Variants in KDM4C observed in about 807,000 individuals in gnomAD.
KDM4C encodes the protein lysine-specific demethylase 4C.
KDM4C carries 81 observed loss-of-function variants against 129.3 expected under a neutral mutation model. The observed-to-expected ratio is 0.63, with a 90% CI of 0.52 to 0.75. KDM4C has a LOEUF of 0.75. Ranked by LOEUF, KDM4C falls within the 30% of genes least tolerant of loss-of-function variation. The pLI is 0.00. For synonymous variants in KDM4C, 573 were observed against 456.1 expected, an observed-to-expected ratio of 1.26 and a Z score of -3.26; for missense variants, 1,457 against 1,304.0, an observed-to-expected ratio of 1.12 and a Z score of -1.81.
Position 7,160,141 on chromosome 9 carries a change from G to T in KDM4C, c.2782-5097G>T, listed in dbSNP as rs947380582. 2.0e-5 allele frequency among the ~76,000 whole-genome samples: 3 copies of T among 152,150 alleles called. No homozygotes were observed. The South Asian group carries it at 6.2e-4, about 32-fold the overall frequency. On this transcript the variant is annotated intron_variant, in intron 19 of 21. Coordinates refer to ENST00000381309, the MANE Select transcript of KDM4C (RefSeq NM_015061.6). The stretch of plus-strand genomic sequence containing the variant: ...TCGAGTTGGCTGTTGAAGCTTGTGC[G>T]TGCGTCACAAAGTTCTCGTGCCATG...
At chr9:6,877,643 G>A (rs926517935) in intron 5 of KDM4C, among the ~76,000 whole-genome samples, 3 of 152,194 alleles carry the variant, frequency 2.0e-5, no homozygotes, top group Non-Finnish European at 4.4e-5. Context: ...AGATTTTGGG[G>A]TTGTCAAGAT....
chr9:6,854,015 A>G (rs1839311876), intron 5 of KDM4C, among the ~76,000 whole-genome samples: 1 of 152,194 alleles, frequency 6.6e-6, no homozygotes, highest in African/African-American at 2.4e-5. Flanking sequence ...CTATTATTTT[A>G]ATAACCATGA....
chr9:7,068,845 C>G (rs539924068), intron 17 of KDM4C, among the ~76,000 whole-genome samples: 1 of 151,744 alleles, frequency 6.6e-6, no homozygotes, highest in Non-Finnish European at 1.5e-5. Context: ...TACAGGTGTG[C>G]ACCACCACGC....
chr9:6,835,187 A>T, intron 4 of KDM4C: 1 of 933,964 alleles, frequency 1.1e-6, no homozygotes. Context: ...ACTGACGGCC[A>T]GGTCATCACC....
At chr9:7,079,920 C>T (rs1834341528) in intron 17 of KDM4C, among the ~76,000 whole-genome samples, 1 of 152,200 alleles carries the variant, frequency 6.6e-6, no homozygotes, top group South Asian at 2.1e-4. Context: ...TCCTTTCCCA[C>T]AACTTCTTTT....
chr9:6,779,616 G>C (rs556777283), intron 1 of KDM4C, among the ~76,000 whole-genome samples: 57 of 152,324 alleles, frequency 3.7e-4, no homozygotes, highest in African/African-American at 1.3e-3. Flanking sequence ...TGCTGCAGCA[G>C]TGTTCTGGGA....
intron 8 of KDM4C, among the ~76,000 whole-genome samples, chr9:6,952,736 C>T (rs147128559): frequency 5.3e-5 from 8 of 152,162 alleles, no homozygotes; most frequent in African/African-American, 1.4e-4. Context: ...CCACTGTGCC[C>T]GGCCCCAGAG....
At chr9:6,812,798 T>C (rs571276062) in intron 3 of KDM4C, among the ~76,000 whole-genome samples, 2 of 152,212 alleles carry the variant, frequency 1.3e-5, no homozygotes, top group African/African-American at 2.4e-5. Context: ...GTGCCTGGAA[T>C]TCCCGATACT....
intron 17 of KDM4C, among the ~76,000 whole-genome samples, chr9:7,067,986 C>T (rs559703886): frequency 2.2e-4 from 34 of 152,192 alleles, no homozygotes; most frequent in African/African-American, 4.1e-4. Context: ...TTAGTAGAGA[C>T]GGGGTTTCAC....
intron 21 of KDM4C, 37 bp from the exon 22 acceptor site, chr9:7,174,515 GC>G: frequency 6.3e-7 from 1 of 1,598,684 alleles, no homozygotes; most frequent in Non-Finnish European, 8.6e-7. Flanking sequence ...AAGATCAAAT[GC>G]CGTGCCCTTT....
chr9:6,741,667 G>A (rs1817700610), intron 1 of KDM4C, among the ~76,000 whole-genome samples: 4 of 143,402 alleles, frequency 2.8e-5, no homozygotes. Flanking sequence ...GAATTTTGAG[G>A]TGGCAGCTCT....
At chr9:7,053,422 A>G (rs913466041) in intron 17 of KDM4C, among the ~76,000 whole-genome samples, 1 of 152,158 alleles carries the variant, frequency 6.6e-6, no homozygotes, top group African/African-American at 2.4e-5. Flanking sequence ...AATGACAACT[A>G]ATGGAAAACA....
chr9:6,771,080 C>CT (rs35945405), intron 1 of KDM4C, among the ~76,000 whole-genome samples: 11,542 of 56,792 alleles, frequency 0.2, 2,886 homozygotes, highest in Non-Finnish European at 0.25. Flanking sequence ...GACTGTGAAT[C>CT]TTTTTTTTTT....
intron 4 of KDM4C, chr9:6,834,916 C>G (rs1289137571): frequency 3.4e-6 from 4 of 1,192,358 alleles, no homozygotes; most frequent in South Asian, 1.2e-5. Context: ...CCGTGATGGA[C>G]TCCGGTGACG....
At chr9:6,863,411 G>T (rs1233021004) in intron 5 of KDM4C, among the ~76,000 whole-genome samples, 2 of 152,068 alleles carry the variant, frequency 1.3e-5, no homozygotes, top group Non-Finnish European at 2.9e-5. Context: ...AAAAGTTCTG[G>T]ATTAGGCTTC....
At chr9:6,813,237 C>G (rs1831490820) in intron 3 of KDM4C, among the ~76,000 whole-genome samples, 3 of 152,104 alleles carry the variant, frequency 2.0e-5, no homozygotes, top group Admixed American at 2.0e-4. Context: ...TAGAGGGTCT[C>G]ACTACCTAGG....
At chr9:6,797,246 C>G (rs1421360887) in intron 2 of KDM4C, among the ~76,000 whole-genome samples, 4 of 152,084 alleles carry the variant, frequency 2.6e-5, no homozygotes, top group Admixed American at 2.6e-4. Context: ...CTTGGCCTCC[C>G]AAAGTGCTGG....
intron 4 of KDM4C, among the ~76,000 whole-genome samples, chr9:6,842,387 T>TGGCTCACTGCAACCTC (rs554231843): frequency 1.4e-5 from 2 of 146,920 alleles, no homozygotes; most frequent in Non-Finnish European, 3.0e-5. Context: ...CATGCGATCA[T>TGGCTCACTGCAACCTC]GGCTCACTGC....
chr9:6,837,582 C>G (rs538129360), intron 4 of KDM4C, among the ~76,000 whole-genome samples: 8 of 152,246 alleles, frequency 5.3e-5, no homozygotes, highest in African/African-American at 1.9e-4. Flanking sequence ...TGAATTTGCA[C>G]CTCTCTGATT....
Sources: allele counts gnomAD v4.1 joint callset (sites outside exome capture counted in the v4.1 genomes callset), GRCh38; gene constraint gnomAD v4.1.1; transcripts MANE v1.5; gene names NCBI Gene and HGNC (gene_info 2026-07-23, HGNC 2026-07-21).